The following PRKCE variants were observed in gnomAD, a reference collection of about 807,000 sequenced individuals.
PRKCE encodes protein kinase C epsilon.
A neutral mutation model predicts 85.4 loss-of-function variants in PRKCE; 16 were observed. The observed-to-expected ratio is 0.19, with a 90% CI of 0.13 to 0.28. PRKCE has a LOEUF of 0.28. PRKCE is among the 10% of genes least tolerant of loss of function. The probability of loss-of-function intolerance (pLI) is 1.00; values close to 1 mark genes in which losing one functional copy is unlikely to be tolerated. For synonymous variants in PRKCE, 388 were observed against 371.5 expected (o/e 1.04, Z -0.51); for missense variants, 573 against 975.2 (o/e 0.59, Z 5.49).
Position 46,023,290 on chromosome 2 carries a change from T to C in PRKCE, c.1437+12773T>C, listed in dbSNP as rs967223741. ...ACACTCATTTCATAAAGAGAAAATA[T>C]GTATTACCTGTCCCCTAATCTGGGC... is the stretch of plus-strand genomic sequence containing the variant. On this transcript the variant is annotated intron_variant, in intron 10 of 14. Coordinates refer to ENST00000306156, the MANE Select transcript of PRKCE (RefSeq NM_005400.3). Among the ~76,000 whole-genome samples the C allele has an allele frequency of 8.5e-5, 13 of 152,080 alleles. No individual in the cohort carries two copies. In the East Asian group the frequency reaches 2.1e-3, roughly 25 times the overall value.
chr2:45,666,509 A>T (rs1365723044), intron 1 of PRKCE, among the ~76,000 whole-genome samples: 1 of 151,104 alleles, frequency 6.6e-6, no homozygotes, highest in East Asian at 2.0e-4. Context: ...CTTGTTTCTA[A>T]CTTTCATACC....
At chr2:45,683,508 C>G (rs988471508) in intron 1 of PRKCE, among the ~76,000 whole-genome samples, 12 of 152,074 alleles carry the variant, frequency 7.9e-5, no homozygotes, top group African/African-American at 2.9e-4. Flanking sequence ...GTTCTAGACC[C>G]AACTGTGGGC....
chr2:46,106,545 C>T (rs1212829234), intron 11 of PRKCE, among the ~76,000 whole-genome samples: 1 of 152,210 alleles, frequency 6.6e-6, no homozygotes, highest in Non-Finnish European at 1.5e-5. Context: ...TGTTCAAGAT[C>T]AAGGTACCAG....
chr2:46,023,341 G>A (rs997492426), intron 10 of PRKCE, among the ~76,000 whole-genome samples: 1 of 152,162 alleles, frequency 6.6e-6, no homozygotes, highest in East Asian at 1.9e-4. Context: ...CAACAGCGAT[G>A]GGCCAACCCT....
chr2:45,771,968 A>G (rs1301198327), intron 1 of PRKCE, among the ~76,000 whole-genome samples: 2 of 152,040 alleles, frequency 1.3e-5, no homozygotes, highest in African/African-American at 4.8e-5. Flanking sequence ...CTCTCTGAAC[A>G]CACACTGCCG....
chr2:45,860,252 T>C (rs1042428417), intron 2 of PRKCE, among the ~76,000 whole-genome samples: 1 of 152,274 alleles, frequency 6.6e-6, no homozygotes, highest in African/African-American at 2.4e-5. Flanking sequence ...GTAGCCATGT[T>C]ATCATTGCCA....
chr2:45,933,649 T>C (rs900033445), intron 2 of PRKCE, among the ~76,000 whole-genome samples: 8 of 151,990 alleles, frequency 5.3e-5, no homozygotes, highest in African/African-American at 1.9e-4. Context: ...AATTTTTTTT[T>C]GTGTTTTTAG....
chr2:45,892,225 C>CT (rs947763205), intron 2 of PRKCE, among the ~76,000 whole-genome samples: 1 of 152,170 alleles, frequency 6.6e-6, no homozygotes, highest in Non-Finnish European at 1.5e-5. Flanking sequence ...GAGGTGACAG[C>CT]TTTTTTGAGC....
chr2:46,137,884 C>A (rs568935732), intron 11 of PRKCE, among the ~76,000 whole-genome samples: 3 of 152,262 alleles, frequency 2.0e-5, no homozygotes, highest in African/African-American at 7.2e-5. Flanking sequence ...ACCAGTTCTC[C>A]CTCAGTCTTA....
chr2:45,829,401 G>A (rs143517590), intron 1 of PRKCE, among the ~76,000 whole-genome samples: 3 of 152,192 alleles, frequency 2.0e-5, no homozygotes, highest in African/African-American at 7.2e-5. Flanking sequence ...TGAGTTTTGG[G>A]GTTTTTGTTT....
chr2:45,766,014 C>G (rs944529591), intron 1 of PRKCE, among the ~76,000 whole-genome samples: 3 of 152,164 alleles, frequency 2.0e-5, no homozygotes, highest in Admixed American at 1.3e-4. Flanking sequence ...TCCCCTCCCC[C>G]ACCTCCAGGC....
At chr2:46,167,382 G>A (rs1678443687) in intron 14 of PRKCE, among the ~76,000 whole-genome samples, 1 of 152,046 alleles carries the variant, frequency 6.6e-6, no homozygotes, top group African/African-American at 2.4e-5. Flanking sequence ...GGATGGTGTT[G>A]ATGGTGTTGA....
intron 1 of PRKCE, among the ~76,000 whole-genome samples, chr2:45,791,104 G>A (rs1445910001): frequency 1.3e-5 from 2 of 152,236 alleles, no homozygotes; most frequent in Non-Finnish European, 2.9e-5. Context: ...GTTTTGTGTA[G>A]AGGTCTCTGA....
chr2:45,726,522 C>G (rs1033011047), intron 1 of PRKCE, among the ~76,000 whole-genome samples: 1 of 152,130 alleles, frequency 6.6e-6, no homozygotes, highest in Admixed American at 6.5e-5. Flanking sequence ...CAATAAAGCA[C>G]TTTTCAATTA....
At chr2:46,108,960 C>CT in intron 11 of PRKCE, among the ~76,000 whole-genome samples, 1 of 151,538 alleles carries the variant, frequency 6.6e-6, no homozygotes, top group African/African-American at 2.4e-5. Flanking sequence ...CAAGACTGTT[C>CT]TTTTTTTATT....
intron 1 of PRKCE, among the ~76,000 whole-genome samples, chr2:45,755,910 G>A (rs1012765768): frequency 1.3e-5 from 2 of 152,192 alleles, no homozygotes; most frequent in East Asian, 1.9e-4. Context: ...GTTGGCACTC[G>A]GAGAATTGGA....
chr2:45,913,930 C>G (rs187786325), intron 2 of PRKCE, among the ~76,000 whole-genome samples: 41 of 152,182 alleles, frequency 2.7e-4, no homozygotes, highest in African/African-American at 9.4e-4. Flanking sequence ...CTTAGAAAAA[C>G]AAGAATTTGT....
chr2:45,677,352 GTTTTTT>G (rs1209642358), intron 1 of PRKCE, among the ~76,000 whole-genome samples: 1 of 140,836 alleles, frequency 7.1e-6, no homozygotes, highest in Non-Finnish European at 1.5e-5. Flanking sequence ...TGTTGTTGTT[GTTTTTT>G]TTTTTTTTTG....
intron 10 of PRKCE, among the ~76,000 whole-genome samples, chr2:46,067,409 T>C (rs767710783): frequency 6.6e-6 from 1 of 152,202 alleles, no homozygotes; most frequent in Non-Finnish European, 1.5e-5. Flanking sequence ...GTTTTGGCGC[T>C]ACCTGGAAGG....
Sources: gnomAD v4.1 joint callset for allele counts (sites outside exome capture counted in the v4.1 genomes callset) on GRCh38, gnomAD v4.1.1 for gene constraint, MANE v1.5 for transcripts, NCBI Gene and HGNC (gene_info 2026-07-23, HGNC 2026-07-21) for gene names.